SNX8: variants seen among roughly 807,000 people sequenced by gnomAD.
The protein encoded by SNX8 is sorting nexin-8.
SNX8 carries 25 observed loss-of-function variants against 51.6 expected under a neutral mutation model. That is an observed-to-expected ratio of 0.48 (90% confidence interval 0.35 to 0.68). SNX8 has a LOEUF of 0.68. SNX8 is among the 30% of genes least tolerant of loss of function. The pLI, the probability that SNX8 is intolerant of heterozygous loss-of-function variation, is 0.00. For missense variants in SNX8, 695 were observed against 624.0 expected (o/e 1.11, Z -1.21); for synonymous variants, 324 against 277.0 (o/e 1.17, Z -1.68).
Position 2,263,274 on chromosome 7 carries a change from G to C in SNX8, c.871C>G (p.Leu291Val), listed in dbSNP as rs1584671146. ...WGSLKQALKG[L>V]SVEFALLADK... Reference sequence around the variant, plus strand: ...GCGAGCAGCGCGAATTCCACAGACAGGCCTTTCAGAGCCTGCTTCAGGGAC... The same window carrying C: ...GCGAGCAGCGCGAATTCCACAGACACGCCTTTCAGAGCCTGCTTCAGGGAC... The change falls in exon 7 of 11, where the codon CTG (leucine) becomes GTG (valine). Residue 291 changes from leucine to valine, a missense_variant. Physicochemically the swap from Leu to Val is conservative, Grantham distance 32. Coordinates refer to ENST00000222990, the MANE Select transcript of SNX8 (RefSeq NM_013321.4). The C allele has an allele frequency of 6.2e-7, 1 of 1,613,970 alleles. No individual in the cohort carries two copies. The highest frequency in any genetic ancestry group is 1.1e-5 in the South Asian group (1 of 91,086).
intron 1 of SNX8, among the ~76,000 whole-genome samples, chr7:2,279,197 A>G: frequency 1.3e-5 from 1 of 75,276 alleles, no homozygotes; most frequent in African/African-American, 5.1e-5. Context: ...ACTCACTCAC[A>G]CTACGGAGTC....
chr7:2,283,464 G>A (rs1389396179), intron 1 of SNX8, among the ~76,000 whole-genome samples: 1 of 152,234 alleles, frequency 6.6e-6, no homozygotes, highest in Non-Finnish European at 1.5e-5. Context: ...TTCAGGGCCG[G>A]TGCTTTCAGA....
intron 1 of SNX8, among the ~76,000 whole-genome samples, chr7:2,312,792 C>T (rs1423559533): frequency 2.0e-5 from 3 of 152,238 alleles, no homozygotes; most frequent in Admixed American, 2.0e-4. Context: ...CTCACACCAA[C>T]ACCCACCTAC....
intron 1 of SNX8, among the ~76,000 whole-genome samples, chr7:2,278,716 C>T (rs1264352346): frequency 3.8e-5 from 4 of 104,048 alleles, no homozygotes; most frequent in African/African-American, 1.2e-4. Context: ...ACTCACACTA[C>T]GGAGTCGAAG....
At chr7:2,310,408 G>T (rs1562452398) in intron 1 of SNX8, among the ~76,000 whole-genome samples, 1 of 152,140 alleles carries the variant, frequency 6.6e-6, no homozygotes, top group Non-Finnish European at 1.5e-5. Flanking sequence ...AGGATTGCTT[G>T]AGGCCAGGAG....
chr7:2,348,404 G>C (rs1261796849), intron 1 of SNX8, among the ~76,000 whole-genome samples: 1 of 146,540 alleles, frequency 6.8e-6, no homozygotes, highest in Non-Finnish European at 1.5e-5. Flanking sequence ...GCAGTGGCGC[G>C]ATCTCGGCTC....
intron 1 of SNX8, among the ~76,000 whole-genome samples, chr7:2,299,903 T>C (rs758296952): frequency 6.6e-6 from 1 of 152,058 alleles, no homozygotes; most frequent in Non-Finnish European, 1.5e-5. Context: ...ATGGGCCAAG[T>C]GAGATACAAT....
At chr7:2,285,869 G>T (rs992758762) in intron 1 of SNX8, among the ~76,000 whole-genome samples, 1 of 141,836 alleles carries the variant, frequency 7.1e-6, no homozygotes, top group Non-Finnish European at 1.5e-5. Context: ...GTAGATATGC[G>T]GGGGGGTCTC....
At chr7:2,342,201 T>A (rs950557821) in intron 1 of SNX8, among the ~76,000 whole-genome samples, 2 of 150,526 alleles carry the variant, frequency 1.3e-5, no homozygotes, top group African/African-American at 4.9e-5. Flanking sequence ...TAATAAATAA[T>A]AAATAAATAA....
In SNX8 at chr7:2,351,704, G is replaced by A. The variant is rs562564361; in HGVS notation, c.-66+2518C>T. Among the ~76,000 whole-genome samples the A allele has an allele frequency of 1.6e-3, 249 of 151,438 alleles. 2 individuals are homozygous for A. Among genetic ancestry groups the A allele is most frequent in the African/African-American group, 5.8e-3 (240 of 41,304 alleles). On this transcript the variant is annotated intron_variant, in intron 1 of 5. Transcript: ENST00000435336. ...AAATTAGCCGGGTGTGGTGGCAGGC[G>A]CCTGTAGTCCCAGCTACTCGGGAGG...
intron 1 of SNX8, among the ~76,000 whole-genome samples, chr7:2,347,350 G>A (rs930203118): frequency 2.0e-5 from 3 of 151,450 alleles, no homozygotes; most frequent in African/African-American, 7.3e-5. Flanking sequence ...GCTTCGTGGT[G>A]GGCGCCTGTA....
intron 1 of SNX8, 24 bp downstream of exon 1, chr7:2,314,304 G>A: frequency 8.2e-7 from 1 of 1,220,054 alleles, no homozygotes; most frequent in East Asian, 3.3e-5. Context: ...GGCAGGTGGG[G>A]GCTACCGCCG....
intron 1 of SNX8, among the ~76,000 whole-genome samples, chr7:2,303,824 C>G (rs1029937117): frequency 1.3e-5 from 2 of 151,932 alleles, no homozygotes; most frequent in African/African-American, 4.8e-5. Flanking sequence ...TGTGGAAGGC[C>G]GCAGGGTCCT....
upstream of SNX8, among the ~76,000 whole-genome samples, chr7:2,317,800 T>C (rs1271824473): frequency 1.3e-5 from 2 of 152,112 alleles, no homozygotes; most frequent in Non-Finnish European, 2.9e-5. Context: ...ACACCATTGA[T>C]GCTCTCTCCA....
At chr7:2,303,457 T>C (rs1181146210) in intron 1 of SNX8, among the ~76,000 whole-genome samples, 4 of 152,094 alleles carry the variant, frequency 2.6e-5, no homozygotes, top group East Asian at 1.9e-4. Context: ...GGAGGTGTAC[T>C]CAACAGCTCA....
In SNX8 at chr7:2,268,855, GGGGGGT is replaced by G. The variant is rs1795563905; in HGVS notation, c.621+698_621+703del. Among the ~76,000 whole-genome samples the G allele has an allele frequency of 1.7e-4, 5 of 29,696 alleles. 1 individual carries two copies. The highest frequency in any genetic ancestry group is 3.4e-4 in the Admixed American group (1 of 2,960). 19.5% of individuals were successfully genotyped at this position (29,696 alleles called of 152,430 possible). ...AGCCGCCCCGTCCGGGAGGGAGGTG[GGGGGGT>G]CAGCCCCCCGCCCGGCCAGCCGCCC... On this transcript the variant is annotated intron_variant, in intron 5 of 10. Coordinates refer to ENST00000222990, the MANE Select transcript of SNX8 (RefSeq NM_013321.4).
intron 1 of SNX8, among the ~76,000 whole-genome samples, chr7:2,320,858 A>G (rs905671339): frequency 2.6e-5 from 4 of 152,024 alleles, no homozygotes; most frequent in Non-Finnish European, 5.9e-5. Flanking sequence ...TGTCTCTACT[A>G]AAAATACAAA....
chr7:2,269,523 TAAAAAAAAAAA>T (rs375189373), intron 5 of SNX8, 25 bp downstream of exon 5: 46 of 894,234 alleles, frequency 5.1e-5, no homozygotes, highest in African/African-American at 1.5e-4. Context: ...AAAAATAAAT[TAAAAAAAAAAA>T]AAAAGAAAAA....
rs1185094383 is a variant in SNX8, at chr7:2,354,221, C to T, written c.-66+1G>A. On this transcript the variant is annotated splice_donor_variant, in intron 1 of 5. Coordinates refer to the SNX8 transcript ENST00000435336. LOFTEE classifies it low-confidence loss of function (5UTR_SPLICE). ...GTAAGCGATTAAAGAAACTTCCATA[C>T]ATTTTTGTATCGCGCCAGGCAGTCG... The T allele has an allele frequency of 1.3e-5, 2 of 152,280 alleles. No homozygotes were observed. Among genetic ancestry groups the T allele is most frequent in the African/African-American group, 4.8e-5 (2 of 41,484 alleles). 9.4% of individuals were successfully genotyped at this position (152,280 alleles called of 1,614,324 possible).
Sources: allele counts gnomAD v4.1 joint callset (sites outside exome capture counted in the v4.1 genomes callset), GRCh38; gene constraint gnomAD v4.1.1; transcripts MANE v1.5; gene names NCBI Gene and HGNC (gene_info 2026-07-23, HGNC 2026-07-21).